The following PTPRD variants were observed in gnomAD, a reference collection of about 807,000 sequenced individuals.
The protein encoded by PTPRD is receptor-type tyrosine-protein phosphatase delta.
In PTPRD, 34 loss-of-function variants were observed where a neutral mutation model predicts 214.5. The observed-to-expected ratio is 0.16, with a 90% CI of 0.12 to 0.21. The LOEUF (loss-of-function observed/expected upper bound fraction) is 0.21, where lower values mean the gene tolerates loss of function less well. PTPRD is among the 10% of genes least tolerant of loss of function. PTPRD has a pLI of 1.00. For missense variants in PTPRD, 2,545 were observed against 2,398.7 expected (o/e 1.06, Z -1.27); for synonymous variants, 1,128 against 845.7 (o/e 1.33, Z -5.79).
chr9:8,452,076 G>C (rs1487454755), intron 33 of PTPRD, among the ~76,000 whole-genome samples: 1 of 152,148 alleles, frequency 6.6e-6, no homozygotes, highest in African/African-American at 2.4e-5. Context: ...CAAGACATGG[G>C]ACTAAAATTA....
chr9:9,509,523 C>T (rs2096649228), intron 8 of PTPRD, among the ~76,000 whole-genome samples: 1 of 151,458 alleles, frequency 6.6e-6, no homozygotes, highest in Admixed American at 6.6e-5. Flanking sequence ...TGTTGACCAA[C>T]TCTTCTTCCT....
At chr9:9,756,175 C>G (rs955033532) in intron 6 of PTPRD, among the ~76,000 whole-genome samples, 1 of 152,006 alleles carries the variant, frequency 6.6e-6, no homozygotes, top group African/African-American at 2.4e-5. Context: ...AATATTCTGA[C>G]GAACGACAGA....
chr9:9,152,926 T>G (rs11792892), intron 10 of PTPRD, among the ~76,000 whole-genome samples: 76,875 of 151,544 alleles, frequency 0.51, 20,488 homozygotes, highest in African/African-American at 0.67. Flanking sequence ...TATCTTTCTT[T>G]GGCCCAGTAC....
intron 2 of PTPRD, among the ~76,000 whole-genome samples, chr9:10,601,521 T>A (rs1297352860): frequency 6.6e-6 from 1 of 151,814 alleles, no homozygotes; most frequent in Non-Finnish European, 1.5e-5. Flanking sequence ...ATATATCTTG[T>A]ACTATATATA....
At chr9:8,425,200 C>G (rs1231619588) in intron 35 of PTPRD, among the ~76,000 whole-genome samples, 1 of 152,174 alleles carries the variant, frequency 6.6e-6, no homozygotes, top group East Asian at 1.9e-4. Context: ...TCTAGGCAGC[C>G]TTGTTCCAAT....
chr9:10,401,442 G>A (rs560966536), intron 2 of PTPRD, among the ~76,000 whole-genome samples: 8 of 150,974 alleles, frequency 5.3e-5, no homozygotes, highest in South Asian at 2.1e-4. Flanking sequence ...ATTCCTAAAC[G>A]GATAAAATTG....
chr9:8,769,733 T>C (rs1447125914), intron 11 of PTPRD, among the ~76,000 whole-genome samples: 2 of 152,070 alleles, frequency 1.3e-5, no homozygotes, highest in African/African-American at 4.8e-5. Context: ...TAAAAAACTT[T>C]ATTGTTTTAT....
chr9:9,407,770 A>C (rs1262050974), intron 8 of PTPRD, among the ~76,000 whole-genome samples: 1 of 151,742 alleles, frequency 6.6e-6, no homozygotes, highest in Non-Finnish European at 1.5e-5. Flanking sequence ...AACACACATA[A>C]ACTCATTTCA....
intron 2 of PTPRD, among the ~76,000 whole-genome samples, chr9:10,571,695 T>A (rs1159560817): frequency 6.6e-6 from 1 of 152,178 alleles, no homozygotes; most frequent in African/African-American, 2.4e-5. Context: ...ACCACTTTCA[T>A]GGAAGACAGT....
At chr9:10,187,753 C>A (rs2099344747) in intron 3 of PTPRD, among the ~76,000 whole-genome samples, 1 of 152,192 alleles carries the variant, frequency 6.6e-6, no homozygotes, top group Non-Finnish European at 1.5e-5. Context: ...TCTGCCACAT[C>A]TGTAGAAATA....
intron 4 of PTPRD, among the ~76,000 whole-genome samples, chr9:9,982,856 C>T (rs1299099813): frequency 6.6e-6 from 1 of 152,112 alleles, no homozygotes; most frequent in East Asian, 1.9e-4. Context: ...CATTCAGCTT[C>T]CTCACAAATC....
intron 9 of PTPRD, among the ~76,000 whole-genome samples, chr9:9,317,700 A>T (rs1964039146): frequency 6.6e-6 from 1 of 152,140 alleles, no homozygotes. Context: ...AAATCCTTTA[A>T]TAATTTTTCT....
At chr9:9,857,777 T>C (rs997507017) in intron 5 of PTPRD, among the ~76,000 whole-genome samples, 6 of 152,194 alleles carry the variant, frequency 3.9e-5, no homozygotes, top group Non-Finnish European at 7.3e-5. Context: ...CACACAGATA[T>C]TTATTAAGAA....
intron 11 of PTPRD, among the ~76,000 whole-genome samples, chr9:8,834,753 G>C (rs1444068843): frequency 2.0e-5 from 3 of 152,190 alleles, no homozygotes; most frequent in Admixed American, 6.6e-5. Flanking sequence ...AAAACAATGA[G>C]CTGGAACATG....
chr9:10,056,792 T>A (rs1003940620), intron 3 of PTPRD, among the ~76,000 whole-genome samples: 1 of 152,128 alleles, frequency 6.6e-6, no homozygotes, highest in Non-Finnish European at 1.5e-5. Context: ...TGGGAATAAA[T>A]TAAGCTCTTT....
At chr9:8,383,496 T>A (rs962355473) in intron 37 of PTPRD, among the ~76,000 whole-genome samples, 1 of 152,182 alleles carries the variant, frequency 6.6e-6, no homozygotes, top group Non-Finnish European at 1.5e-5. Context: ...TGGCCTAAGA[T>A]AGAACTCAAG....
At chr9:10,356,778 C>G (rs2097287272) in intron 2 of PTPRD, among the ~76,000 whole-genome samples, 1 of 151,904 alleles carries the variant, frequency 6.6e-6, no homozygotes, top group African/African-American at 2.4e-5. Context: ...CTCCCAAGTT[C>G]AAGGGGTTCT....
intron 5 of PTPRD, among the ~76,000 whole-genome samples, chr9:9,934,853 C>A (rs1440130137): frequency 6.6e-6 from 1 of 152,096 alleles, no homozygotes; most frequent in Non-Finnish European, 1.5e-5. Context: ...ACGAATCCAG[C>A]AGCACATCAA....
chr9:8,332,543 GA>G (rs34969664), intron 43 of PTPRD, among the ~76,000 whole-genome samples: 72,418 of 151,908 alleles, frequency 0.48, 20,221 homozygotes, highest in Non-Finnish European at 0.63. Context: ...CCAAAAGGTA[GA>G]AAAAAAAGCC....
Sources: gnomAD v4.1 joint callset for allele counts (sites outside exome capture counted in the v4.1 genomes callset) on GRCh38, gnomAD v4.1.1 for gene constraint, MANE v1.5 for transcripts, NCBI Gene and HGNC (gene_info 2026-07-23, HGNC 2026-07-21) for gene names.